Variants in COL22A1 observed in about 807,000 individuals in gnomAD.
COL22A1 encodes the protein collagen type XXII alpha 1 chain, also known as collagen alpha-1(XXII) chain.
In COL22A1, 221 loss-of-function variants were observed where a neutral mutation model predicts 248.9. That is an observed-to-expected ratio of 0.89 (90% CI 0.80 to 0.99). The LOEUF (loss-of-function observed/expected upper bound fraction) is 0.99, where lower values mean the gene tolerates loss of function less well. COL22A1 is among the 50% of genes least tolerant of loss of function. The probability of loss-of-function intolerance (pLI) is 0.00; values close to 1 mark genes in which losing one functional copy is unlikely to be tolerated. For missense variants in COL22A1, 2,240 were observed against 2,179.0 expected, an observed-to-expected ratio of 1.03 and a Z score of -0.56; for synonymous variants, 891 against 793.4, an observed-to-expected ratio of 1.12 and a Z score of -2.07.
At chr8:138,589,724 G>T (rs1379392159) in intron 64 of COL22A1, among the ~76,000 whole-genome samples, 1 of 152,162 alleles carries the variant, frequency 6.6e-6, no homozygotes, top group Non-Finnish European at 1.5e-5. Context: ...TTGAGACCAG[G>T]TAGGGCATAT....
intron 16 of COL22A1, among the ~76,000 whole-genome samples, chr8:138,762,942 G>A (rs937638927): frequency 1.3e-5 from 2 of 152,198 alleles, no homozygotes; most frequent in Non-Finnish European, 2.9e-5. Context: ...CACCATCTGC[G>A]CATTCATCTG....
intron 30 of COL22A1, among the ~76,000 whole-genome samples, chr8:138,711,608 CT>C (rs1828970714): frequency 6.6e-6 from 1 of 152,174 alleles, no homozygotes; most frequent in Non-Finnish European, 1.5e-5. Flanking sequence ...GCCTTTTCCA[CT>C]CTGGGCTCTC....
chr8:138,724,554 C>G, intron 25 of COL22A1, 61 bp downstream of exon 25: 1 of 1,521,260 alleles, frequency 6.6e-7, no homozygotes, highest in Non-Finnish European at 9.1e-7. Flanking sequence ...GGGCTCAGTG[C>G]TCCCCCCAGA....
intron 4 of COL22A1, 28 bp downstream of exon 4, chr8:138,844,056 G>A (rs1264314455): frequency 1.3e-6 from 2 of 1,597,080 alleles, no homozygotes; most frequent in Admixed American, 1.7e-5. Context: ...ACCAAAGCAA[G>A]CACACGTGGT....
intron 32 of COL22A1, among the ~76,000 whole-genome samples, chr8:138,696,137 C>T (rs907658475): frequency 2.6e-5 from 4 of 152,180 alleles, no homozygotes; most frequent in Non-Finnish European, 4.4e-5. Context: ...CAAAGAGAAA[C>T]AGCACAGGTT....
At chr8:138,744,572 AT>A (rs1297754054) in intron 22 of COL22A1, among the ~76,000 whole-genome samples, 2 of 152,182 alleles carry the variant, frequency 1.3e-5, no homozygotes, top group African/African-American at 2.4e-5. Context: ...TGCCCCAGGT[AT>A]AAGTACCCTC....
intron 50 of COL22A1, 99 bp downstream of exon 50, chr8:138,630,596 C>A: frequency 1.0e-6 from 1 of 975,302 alleles, no homozygotes; most frequent in South Asian, 1.3e-5. Context: ...ATGTGAGCCA[C>A]AGGAGGCACA....
intron 60 of COL22A1, 129 bp from the exon 61 acceptor site, chr8:138,599,027 A>C: frequency 1.1e-6 from 1 of 911,838 alleles, no homozygotes; most frequent in East Asian, 2.6e-5. Context: ...TGGGTGGCCC[A>C]TGTGTGGCTT....
At position 138,821,323 on chromosome 8, in the gene COL22A1, C is replaced by T; in HGVS notation, c.1058G>A (p.Gly353Asp). 1.9e-6 allele frequency: 3 copies of T among 1,614,198 alleles called. No individual in the cohort carries two copies. The highest frequency in any genetic ancestry group is 1.7e-6 in the Non-Finnish European group (2 of 1,180,026). ...MKDAVRVVFR[G>D]SRVNDLFDRD... ...GTCAAAGAGGTCATTGACCCGAGAA[C>T]CTCGGAAGACCACCCTGACAGCATC... is the stretch of plus-strand genomic sequence containing the variant. Residue 353 changes from glycine (G) to aspartate (D), a missense_variant, in exon 7 of 65, where the codon GGT (glycine) becomes GAT (aspartate). Transcript: ENST00000303045.
intron 23 of COL22A1, among the ~76,000 whole-genome samples, chr8:138,736,457 G>T (rs1198968467): frequency 6.6e-6 from 1 of 152,094 alleles, no homozygotes; most frequent in Admixed American, 6.5e-5. Flanking sequence ...CCTCGGTCAT[G>T]CAGGGAGGAA....
chr8:138,796,303 C>A (rs1355263414), intron 12 of COL22A1, among the ~76,000 whole-genome samples: 1 of 143,032 alleles, frequency 7.0e-6, no homozygotes, highest in Non-Finnish European at 1.5e-5. Context: ...CCCACAAATT[C>A]TTCTGATGTC....
intron 45 of COL22A1, among the ~76,000 whole-genome samples, chr8:138,652,998 C>T (rs777777142): frequency 7.2e-5 from 11 of 152,140 alleles, no homozygotes; most frequent in Admixed American, 2.0e-4. Flanking sequence ...CCACCTGCTT[C>T]GGCCTCCCTA....
chr8:138,722,751 G>T (rs1829968182), intron 25 of COL22A1, among the ~76,000 whole-genome samples: 1 of 150,528 alleles, frequency 6.6e-6, no homozygotes, highest in Admixed American at 6.7e-5. Flanking sequence ...GACCTGCAAG[G>T]TTTAACGGAC....
intron 22 of COL22A1, among the ~76,000 whole-genome samples, chr8:138,743,726 C>T (rs1831885076): frequency 1.3e-5 from 2 of 151,988 alleles, no homozygotes; most frequent in African/African-American, 4.8e-5. Context: ...AAATTGCTAC[C>T]CAGCACAATA....
chr8:138,794,718 G>T (rs4281141), intron 12 of COL22A1, among the ~76,000 whole-genome samples: 2 of 151,902 alleles, frequency 1.3e-5, no homozygotes, highest in Non-Finnish European at 2.9e-5. Context: ...CAACCGAATG[G>T]TATTCAGCCT....
chr8:138,604,081 GAGACCTC>G (rs1283720407), intron 59 of COL22A1, among the ~76,000 whole-genome samples: 1 of 152,198 alleles, frequency 6.6e-6, no homozygotes, highest in East Asian at 1.9e-4. Flanking sequence ...TATTTCAGCT[GAGACCTC>G]AGTTTGAGTA....
intron 35 of COL22A1, among the ~76,000 whole-genome samples, chr8:138,691,547 G>A (rs575173071): frequency 0.013 from 33 of 2,638 alleles, 1 homozygote; most frequent in East Asian, 0.041. Context: ...GTGTATGTCC[G>A]TGTGTGCATG....
chr8:138,709,240 A>G (rs371852393), intron 30 of COL22A1, among the ~76,000 whole-genome samples: 2 of 152,186 alleles, frequency 1.3e-5, no homozygotes, highest in Non-Finnish European at 2.9e-5. Context: ...CGATTCCTCA[A>G]GGATCTAGAA....
chr8:138,809,654 G>A (rs1818040701), intron 9 of COL22A1, among the ~76,000 whole-genome samples: 2 of 151,818 alleles, frequency 1.3e-5, no homozygotes, highest in African/African-American at 4.8e-5. Context: ...CTGAGTAGCT[G>A]GGATTATAGG....
Sources: allele counts gnomAD v4.1 joint callset (sites outside exome capture counted in the v4.1 genomes callset), GRCh38; gene constraint gnomAD v4.1.1; transcripts MANE v1.5; gene names NCBI Gene and HGNC (gene_info 2026-07-23, HGNC 2026-07-21).